Variants in JHY observed in about 807,000 individuals in gnomAD.
The protein encoded by JHY is junctional cadherin complex regulator, also known as jhy protein homolog.
JHY carries 69 observed loss-of-function variants against 78.0 expected under a neutral mutation model. The ratio of observed to expected loss-of-function variants is 0.88; its 90% CI spans 0.73 to 1.08. The LOEUF (loss-of-function observed/expected upper bound fraction) is 1.08, where lower values mean the gene tolerates loss of function less well. Among genes scored for constraint, JHY ranks in the 50% least tolerant of loss-of-function variants. JHY has a pLI of 0.00. For missense variants in JHY, 944 were observed against 927.8 expected, an observed-to-expected ratio of 1.02 and a Z score of -0.23; for synonymous variants, 368 against 342.6, an observed-to-expected ratio of 1.07 and a Z score of -0.82.
chr11:122,920,477 G>A (rs759499432), intron 3 of JHY, among the ~76,000 whole-genome samples: 2 of 152,112 alleles, frequency 1.3e-5, no homozygotes, highest in African/African-American at 2.4e-5. Context: ...AGAACTTAAC[G>A]GTAACATCCT....
intron 5 of JHY, among the ~76,000 whole-genome samples, chr11:122,945,059 T>C (rs948143233): frequency 1.3e-5 from 2 of 152,204 alleles, no homozygotes; most frequent in East Asian, 3.8e-4. Flanking sequence ...CATGTTCCCT[T>C]TGAATATTAT....
chr11:122,928,890 C>T (rs570463768), intron 4 of JHY, among the ~76,000 whole-genome samples: 309 of 151,912 alleles, frequency 2.0e-3, no homozygotes, highest in Non-Finnish European at 3.2e-3. Context: ...CCTCGTGATC[C>T]GCCCGCCTCG....
At chr11:122,936,566 C>T (rs966818972) in intron 5 of JHY, among the ~76,000 whole-genome samples, 2 of 151,854 alleles carry the variant, frequency 1.3e-5, no homozygotes, top group Non-Finnish European at 2.9e-5. Flanking sequence ...CTATCATAAA[C>T]GAGTATTTGA....
At chr11:122,942,162 G>A (rs913750825) in intron 5 of JHY, among the ~76,000 whole-genome samples, 5 of 151,628 alleles carry the variant, frequency 3.3e-5, no homozygotes, top group South Asian at 2.1e-4. Flanking sequence ...GTGAGCCACC[G>A]CACCTGGCCA....
intron 3 of JHY, among the ~76,000 whole-genome samples, chr11:122,909,888 A>G (rs1863076679): frequency 6.6e-6 from 1 of 152,230 alleles, no homozygotes; most frequent in African/African-American, 2.4e-5. Context: ...AGTGTTTGAC[A>G]TTATTTTTAT....
intron 3 of JHY, among the ~76,000 whole-genome samples, chr11:122,922,515 A>G (rs946669817): frequency 3.3e-4 from 50 of 152,338 alleles, no homozygotes; most frequent in African/African-American, 1.2e-3. Flanking sequence ...AAGTCAAGGT[A>G]AACAGCAGAG....
In JHY at chr11:122,960,751, A is replaced by G; in HGVS notation, c.*1306A>G. On this transcript the variant is annotated 3_prime_UTR_variant, in exon 9 of 9. Transcript: ENST00000227349. ...ATTGCCCAACTAGAAGAGGTGAAGC[A>G]GGCTTCCATCAAACAAATCCAGGAT... is the stretch of plus-strand genomic sequence containing the variant. The G allele has an allele frequency of 2.1e-6, 1 of 471,932 alleles. No individual in the cohort carries two copies. The highest frequency in any genetic ancestry group is 2.0e-5 in the South Asian group (1 of 49,074). The allele number at this position is 471,932 out of a possible 1,614,324, so 29.2% of individuals were successfully genotyped here. A position where few individuals can be genotyped will look rare whatever the true frequency, so the allele number is the denominator to read the frequency against.
At chr11:122,949,440 G>C (rs1463098356) in intron 6 of JHY, among the ~76,000 whole-genome samples, 1 of 152,144 alleles carries the variant, frequency 6.6e-6, no homozygotes, top group Non-Finnish European at 1.5e-5. Context: ...TCCTCAAGTG[G>C]GGCCTTTAGA....
intron 2 of JHY, among the ~76,000 whole-genome samples, chr11:122,903,055 G>A (rs1862896190): frequency 6.6e-6 from 1 of 152,222 alleles, no homozygotes; most frequent in Non-Finnish European, 1.5e-5. Flanking sequence ...ACAAACATAT[G>A]AGCAACACAT....
At chr11:122,937,522 G>GT (rs1194023404) in intron 5 of JHY, among the ~76,000 whole-genome samples, 1 of 151,938 alleles carries the variant, frequency 6.6e-6, no homozygotes, top group African/African-American at 2.4e-5. Flanking sequence ...CTCTTTTTCA[G>GT]TATCTCACAT....
intron 2 of JHY, among the ~76,000 whole-genome samples, chr11:122,890,161 G>A (rs1862581497): frequency 6.6e-6 from 1 of 151,970 alleles, no homozygotes. Context: ...GAAGGAACAA[G>A]AGAAGCCAAA....
At chr11:122,910,295 G>A (rs1004247757) in intron 3 of JHY, among the ~76,000 whole-genome samples, 2 of 152,044 alleles carry the variant, frequency 1.3e-5, no homozygotes, top group African/African-American at 4.8e-5. Context: ...ACCAACATGT[G>A]AAACCCTGTC....
rs1466109796 is a variant in JHY at position 122,917,331 on chromosome 11, G to A, written c.865-7566G>A. Among the ~76,000 whole-genome samples the A allele has an allele frequency of 4.6e-5, 7 of 152,238 alleles. No homozygotes were observed. ...AGTTAAGGAGAAGGTGGATAGTGCT[G>A]TAGTTGTATGTGGCTAGATTGTGAG... On this transcript the variant is annotated intron_variant, in intron 3 of 8. Coordinates refer to ENST00000227349, the MANE Select transcript of JHY (RefSeq NM_024806.4). The surrounding 1 kb of genome is among the most constrained non-coding windows in gnomAD (Gnocchi z 4.1).
At chr11:122,889,047 G>A (rs1343159007) in intron 2 of JHY, among the ~76,000 whole-genome samples, 8 of 152,102 alleles carry the variant, frequency 5.3e-5, no homozygotes, top group Non-Finnish European at 1.0e-4. Flanking sequence ...GTGGTTCATG[G>A]GCGACTGGAC....
chr11:122,956,379 C>A, intron 6 of JHY, 117 bp from the exon 7 acceptor site: 1 of 751,190 alleles, frequency 1.3e-6, no homozygotes, highest in Non-Finnish European at 2.1e-6. Flanking sequence ...TGACAGTGCA[C>A]ACAGGCTTTC....
intron 8 of JHY, 160 bp from the exon 9 acceptor site, chr11:122,959,086 CTG>C: frequency 1.1e-6 from 1 of 945,072 alleles, no homozygotes; most frequent in African/African-American, 1.8e-5. Flanking sequence ...TTTGTTTAAA[CTG>C]TGTGTTATAT....
intron 2 of JHY, among the ~76,000 whole-genome samples, chr11:122,896,321 C>T (rs192903796): frequency 7.0e-5 from 8 of 113,698 alleles, no homozygotes; most frequent in South Asian, 5.9e-4. Context: ...CCAGCCTGGG[C>T]GACAGAGGAA....
intron 3 of JHY, among the ~76,000 whole-genome samples, chr11:122,910,111 T>C (rs1863081351): frequency 6.6e-6 from 1 of 152,036 alleles, no homozygotes; most frequent in African/African-American, 2.4e-5. Context: ...TAAGGACACT[T>C]TCCATGAACT....
At chr11:122,938,045 TG>T (rs755129007) in intron 5 of JHY, among the ~76,000 whole-genome samples, 21 of 152,242 alleles carry the variant, frequency 1.4e-4, no homozygotes, top group Non-Finnish European at 2.2e-4. Context: ...TTTTGTTTTC[TG>T]GAAGCTTTAG....
Sources: gnomAD v4.1 joint callset for allele counts (sites outside exome capture counted in the v4.1 genomes callset) on GRCh38, gnomAD v4.1.1 for gene constraint, Gnocchi (gnomAD v3.1) non-coding constraint, MANE v1.5 for transcripts, NCBI Gene and HGNC (gene_info 2026-07-23, HGNC 2026-07-21) for gene names.